The following TMEM108 variants were observed in gnomAD, a reference collection of about 807,000 sequenced individuals.
TMEM108 encodes the protein transmembrane protein 108.
TMEM108 carries 12 observed loss-of-function variants against 35.1 expected under a neutral mutation model. That is an observed-to-expected ratio of 0.34 (90% confidence interval 0.22 to 0.55). The LOEUF is 0.55. Among genes scored for constraint, TMEM108 ranks in the 20% least tolerant of loss-of-function variants. TMEM108 has a pLI of 0.89. For missense variants in TMEM108, 680 were observed against 753.3 expected (o/e 0.90, Z 1.14); for synonymous variants, 287 against 308.6 (o/e 0.93, Z 0.73).
chr3:133,137,328 C>A (rs962446316), intron 2 of TMEM108, among the ~76,000 whole-genome samples: 6 of 152,164 alleles, frequency 3.9e-5, no homozygotes, highest in African/African-American at 1.4e-4. Flanking sequence ...AAATCTATAC[C>A]ACGCTGCCGT....
At chr3:133,069,153 T>G (rs1943646850) in intron 2 of TMEM108, among the ~76,000 whole-genome samples, 1 of 152,212 alleles carries the variant, frequency 6.6e-6, no homozygotes, top group Non-Finnish European at 1.5e-5. Context: ...CACTTCACAT[T>G]TTCATGAGGA....
intron 3 of TMEM108, among the ~76,000 whole-genome samples, chr3:133,354,000 G>A (rs1445101302): frequency 6.6e-6 from 1 of 152,182 alleles, no homozygotes; most frequent in South Asian, 2.1e-4. Context: ...TTAGCAATAA[G>A]GCTGCAGGAG....
At chr3:133,279,205 G>A (rs1048128266) in intron 3 of TMEM108, among the ~76,000 whole-genome samples, 1 of 152,194 alleles carries the variant, frequency 6.6e-6, no homozygotes, top group Non-Finnish European at 1.5e-5. Flanking sequence ...ACAGGTCTAC[G>A]TGCATGGACG....
chr3:133,237,685 T>C (rs1197233615), intron 3 of TMEM108, among the ~76,000 whole-genome samples: 1 of 152,104 alleles, frequency 6.6e-6, no homozygotes, highest in African/African-American at 2.4e-5. Context: ...ATAACATATC[T>C]CAACAGATTG....
At position 133,289,591 on chromosome 3, in the gene TMEM108, A is replaced by T. The variant is rs544460661; in HGVS notation, c.40+60240A>T. Among the ~76,000 whole-genome samples the T allele has an allele frequency of 2.0e-5, 3 of 152,216 alleles. No individual in the cohort carries two copies. The South Asian group carries it at 6.2e-4, about 32-fold the overall frequency. Reference sequence around the variant, plus strand: ...GAGGGCAAGCACCATGTGAAAATCAATGTGGAACAGGAACTGTGGGTAATG... The same window carrying T: ...GAGGGCAAGCACCATGTGAAAATCATTGTGGAACAGGAACTGTGGGTAATG... On this transcript the variant is annotated intron_variant, in intron 3 of 5. Coordinates refer to ENST00000321871, the MANE Select transcript of TMEM108 (RefSeq NM_023943.4).
chr3:133,370,919 T>TGTGTGTGTGTGTGTGTGTGTGC (rs528508777), intron 3 of TMEM108, among the ~76,000 whole-genome samples: 2 of 136,788 alleles, frequency 1.5e-5, no homozygotes, highest in East Asian at 4.5e-4. Flanking sequence ...TGTGTGTGTG[T>TGTGTGTGTGTGTGTGTGTGTGC]GTGCCAGGAA....
At chr3:133,339,321 A>G (rs1232994959) in intron 3 of TMEM108, among the ~76,000 whole-genome samples, 1 of 151,976 alleles carries the variant, frequency 6.6e-6, no homozygotes, top group Non-Finnish European at 1.5e-5. Flanking sequence ...ATACTTATAC[A>G]AAATAGATTT....
intron 2 of TMEM108, among the ~76,000 whole-genome samples, chr3:133,133,984 G>A (rs1370055950): frequency 2.6e-5 from 4 of 151,838 alleles, no homozygotes; most frequent in East Asian, 3.9e-4. Context: ...AGGTGGTCTC[G>A]ATCTCCTGAC....
At chr3:133,309,841 C>T (rs1269701292) in intron 3 of TMEM108, among the ~76,000 whole-genome samples, 2 of 151,728 alleles carry the variant, frequency 1.3e-5, no homozygotes, top group African/African-American at 2.4e-5. Context: ...GCTGGGACTA[C>T]AGGCGCCAGC....
At chr3:133,136,894 A>G (rs1944572317) in intron 2 of TMEM108, among the ~76,000 whole-genome samples, 1 of 152,192 alleles carries the variant, frequency 6.6e-6, no homozygotes, top group South Asian at 2.1e-4. Context: ...TGTGTCGCTC[A>G]GCTGCTGTTA....
chr3:133,307,552 G>A (rs1029589753), intron 3 of TMEM108, among the ~76,000 whole-genome samples: 10 of 152,128 alleles, frequency 6.6e-5, no homozygotes, highest in Non-Finnish European at 2.9e-5. Context: ...TTTTGTATAA[G>A]GTGTAAGGAA....
chr3:133,119,907 T>G (rs1944332123), intron 2 of TMEM108, among the ~76,000 whole-genome samples: 1 of 152,166 alleles, frequency 6.6e-6, no homozygotes, highest in Non-Finnish European at 1.5e-5. Context: ...TGAAAAAGAT[T>G]TTCTATTTTC....
intron 3 of TMEM108, among the ~76,000 whole-genome samples, chr3:133,236,846 A>G (rs1946244451): frequency 1.3e-5 from 2 of 151,990 alleles, no homozygotes; most frequent in Non-Finnish European, 2.9e-5. Flanking sequence ...AGCCCCCAAC[A>G]TGCTACCTTC....
intron 2 of TMEM108, among the ~76,000 whole-genome samples, chr3:133,133,864 C>A (rs972909507): frequency 6.6e-6 from 1 of 151,534 alleles, no homozygotes; most frequent in Non-Finnish European, 1.5e-5. Flanking sequence ...CCCAGGTTCA[C>A]GCCATTCTCC....
At chr3:133,252,764 A>G (rs1459597988) in intron 3 of TMEM108, among the ~76,000 whole-genome samples, 1 of 152,166 alleles carries the variant, frequency 6.6e-6, no homozygotes, top group Non-Finnish European at 1.5e-5. Flanking sequence ...ACTTATCTGT[A>G]AAGTGGGAGG....
intron 3 of TMEM108, among the ~76,000 whole-genome samples, chr3:133,320,628 T>G (rs1469313425): frequency 6.6e-6 from 1 of 152,216 alleles, no homozygotes; most frequent in Non-Finnish European, 1.5e-5. Context: ...TTTCCTGGCC[T>G]TGCTAGAAAT....
intron 2 of TMEM108, among the ~76,000 whole-genome samples, chr3:133,227,225 C>T (rs376925028): frequency 9.0e-4 from 109 of 121,380 alleles, no homozygotes; most frequent in African/African-American, 3.3e-3. Context: ...GACAGAGTCT[C>T]GCTGTCGCCC....
chr3:133,243,295 A>G (rs1946338297), intron 3 of TMEM108, among the ~76,000 whole-genome samples: 1 of 152,202 alleles, frequency 6.6e-6, no homozygotes, highest in African/African-American at 2.4e-5. Flanking sequence ...TCACTGTGAC[A>G]CAGGAGAATC....
intron 3 of TMEM108, among the ~76,000 whole-genome samples, chr3:133,374,069 C>T (rs879597079): frequency 1.3e-5 from 2 of 152,184 alleles, no homozygotes; most frequent in African/African-American, 2.4e-5. Context: ...GGAGTTCTTA[C>T]GGGGGGCCAA....
Sources: gnomAD v4.1 joint callset for allele counts (sites outside exome capture counted in the v4.1 genomes callset) on GRCh38, gnomAD v4.1.1 for gene constraint, MANE v1.5 for transcripts, NCBI Gene and HGNC (gene_info 2026-07-23, HGNC 2026-07-21) for gene names.